Variants in ULK4 observed in about 807,000 individuals in gnomAD.
ULK4 encodes inactive serine/threonine-protein kinase ULK4.
In ULK4, 133 loss-of-function variants were observed where a neutral mutation model predicts 160.6. The ratio of observed to expected loss-of-function variants is 0.83; its 90% CI spans 0.72 to 0.96. The LOEUF is 0.96. Ranked by LOEUF, ULK4 falls within the 40% of genes least tolerant of loss-of-function variation. The probability of loss-of-function intolerance (pLI) is 0.00; values close to 1 mark genes in which losing one functional copy is unlikely to be tolerated. For synonymous variants in ULK4, 534 were observed against 539.8 expected, an observed-to-expected ratio of 0.99 and a Z score of 0.15; for missense variants, 1,580 against 1,499.5, an observed-to-expected ratio of 1.05 and a Z score of -0.89.
chr3:41,397,659 G>C (rs1384248356), intron 35 of ULK4, among the ~76,000 whole-genome samples: 1 of 152,034 alleles, frequency 6.6e-6, no homozygotes, highest in East Asian at 1.9e-4. Context: ...CATAATCCTA[G>C]ACTGTATCCT....
intron 27 of ULK4, among the ~76,000 whole-genome samples, chr3:41,685,469 T>G (rs1365808091): frequency 6.6e-6 from 1 of 152,198 alleles, no homozygotes; most frequent in Non-Finnish European, 1.5e-5. Context: ...TCTGTTGTTC[T>G]TCTATGCTCC....
chr3:41,681,873 T>G, intron 27 of ULK4, 69 bp from the exon 28 acceptor site: 1 of 1,553,004 alleles, frequency 6.4e-7, no homozygotes, highest in Non-Finnish European at 8.8e-7. Context: ...ACTATCTATA[T>G]TTTTTCCACA....
intron 20 of ULK4, among the ~76,000 whole-genome samples, chr3:41,794,688 ACAG>A (rs1273800786): frequency 0.084 from 9,296 of 110,852 alleles, 772 homozygotes; most frequent in Middle Eastern, 0.18. Context: ...AAAAAAAAAC[ACAG>A]AAAAAAAAAC....
intron 5 of ULK4, among the ~76,000 whole-genome samples, chr3:41,921,619 T>C (rs1484795106): frequency 1.3e-5 from 2 of 148,924 alleles, no homozygotes; most frequent in East Asian, 3.9e-4. Flanking sequence ...CGTCTCTAAA[T>C]AAATAAATAA....
At chr3:41,610,806 C>T (rs1239539317) in intron 31 of ULK4, among the ~76,000 whole-genome samples, 1 of 152,108 alleles carries the variant, frequency 6.6e-6, no homozygotes, top group East Asian at 1.9e-4. Context: ...ATCATGACAG[C>T]AATATTTTGG....
rs561020788 is a variant in ULK4 at position 41,654,990 on chromosome 3, A to G, written c.3071+8617T>C. On this transcript the variant is annotated intron_variant, in intron 30 of 36. Transcript: ENST00000301831. Reference sequence around the variant, plus strand: ...ACACAGGCAGCTTGAGAAGCATCAAATTATTTCTGAAGAAATCAGTTCATT... The same window carrying G: ...ACACAGGCAGCTTGAGAAGCATCAAGTTATTTCTGAAGAAATCAGTTCATT... Among the ~76,000 whole-genome samples the G allele has an allele frequency of 4.8e-4, 73 of 152,262 alleles. 1 individual carries two copies. Among genetic ancestry groups the G allele is most frequent in the African/African-American group, 1.7e-3 (72 of 41,550 alleles).
In ULK4 at chr3:41,931,986, G is replaced by A; in HGVS notation, c.399C>T (p.Gly133=). Residue 133 remains glycine (G), a synonymous_variant, in exon 5 of 37, where the codon GGC becomes GGT. Coordinates refer to ENST00000301831, the MANE Select transcript of ULK4 (RefSeq NM_017886.4). ...SPRKILLEGP[G]TLKFSNFCLA... Reference sequence around the variant, plus strand: ...AGCAAAAGTTGCTAAACTTCAGTGTGCCAGGCCCTTCCAAGAGTATCTATG... The same window carrying A: ...AGCAAAAGTTGCTAAACTTCAGTGTACCAGGCCCTTCCAAGAGTATCTATG... 1.2e-6 allele frequency: 2 copies of A among 1,613,874 alleles called. No homozygotes were observed. Among genetic ancestry groups the A allele is most frequent in the Non-Finnish European group, 1.7e-6 (2 of 1,179,920 alleles).
At chr3:41,274,494 A>G (rs764799624) in intron 35 of ULK4, among the ~76,000 whole-genome samples, 3 of 152,194 alleles carry the variant, frequency 2.0e-5, no homozygotes, top group Non-Finnish European at 2.9e-5. Context: ...TCACAGTGGT[A>G]ATGTTTTCTC....
chr3:41,531,738 A>T (rs78622917), intron 32 of ULK4, among the ~76,000 whole-genome samples: 5,587 of 152,302 alleles, frequency 0.037, 224 homozygotes, highest in African/African-American at 0.1. Context: ...GGAAAACCAG[A>T]GTCAAATAGA....
At chr3:41,301,358 C>T (rs2079792717) in intron 35 of ULK4, among the ~76,000 whole-genome samples, 1 of 152,066 alleles carries the variant, frequency 6.6e-6, no homozygotes, top group South Asian at 2.1e-4. Context: ...ACTATAACGA[C>T]AGAATAGAAT....
intron 32 of ULK4, among the ~76,000 whole-genome samples, chr3:41,497,422 T>C (rs377435508): frequency 6.6e-6 from 1 of 152,006 alleles, no homozygotes; most frequent in Non-Finnish European, 1.5e-5. Context: ...TATATCTATA[T>C]ACATAATAAT....
chr3:41,452,220 T>C (rs958918854), intron 34 of ULK4, among the ~76,000 whole-genome samples: 1 of 152,154 alleles, frequency 6.6e-6, no homozygotes, highest in Non-Finnish European at 1.5e-5. Context: ...GAAAGCTCCC[T>C]AGGCAGCACC....
intron 12 of ULK4, among the ~76,000 whole-genome samples, chr3:41,906,216 CA>C (rs58001920): frequency 0.17 from 11,526 of 66,404 alleles, 619 homozygotes; most frequent in Middle Eastern, 0.46. Flanking sequence ...GACTCCGTCT[CA>C]AAAAAAAAAA....
intron 34 of ULK4, among the ~76,000 whole-genome samples, chr3:41,451,838 A>G (rs999363077): frequency 6.6e-6 from 1 of 152,168 alleles, no homozygotes; most frequent in Non-Finnish European, 1.5e-5. Flanking sequence ...ATGTGATTCA[A>G]TGTAATATCA....
intron 32 of ULK4, among the ~76,000 whole-genome samples, chr3:41,497,658 G>A (rs150127624): frequency 1.6e-4 from 24 of 152,198 alleles, no homozygotes; most frequent in Non-Finnish European, 3.2e-4. Context: ...CCATATTGAT[G>A]ATATAAGGGT....
At chr3:41,911,716 A>T in intron 9 of ULK4, 57 bp from the exon 10 acceptor site, 1 of 1,297,198 alleles carries the variant, frequency 7.7e-7, no homozygotes, top group Non-Finnish European at 1.1e-6. Flanking sequence ...CTATAGTTTT[A>T]TGTTAGAGAA....
At chr3:41,693,385 T>C (rs1389093564) in intron 27 of ULK4, among the ~76,000 whole-genome samples, 11 of 152,172 alleles carry the variant, frequency 7.2e-5, no homozygotes, top group Non-Finnish European at 1.3e-4. Context: ...GGAAACTAAA[T>C]ATGAACAAGG....
intron 17 of ULK4, among the ~76,000 whole-genome samples, chr3:41,839,212 T>G (rs2041842562): frequency 6.6e-6 from 1 of 151,870 alleles, no homozygotes; most frequent in Non-Finnish European, 1.5e-5. Context: ...TGGTGGTGCA[T>G]GCCTGTAATC....
At chr3:41,762,569 T>C (rs2039019613) in intron 21 of ULK4, among the ~76,000 whole-genome samples, 1 of 151,638 alleles carries the variant, frequency 6.6e-6, no homozygotes, top group Non-Finnish European at 1.5e-5. Context: ...TCAGGAAACT[T>C]AGAGTCATGG....
Sources: gnomAD v4.1 joint callset for allele counts (sites outside exome capture counted in the v4.1 genomes callset) on GRCh38, gnomAD v4.1.1 for gene constraint, MANE v1.5 for transcripts, NCBI Gene and HGNC (gene_info 2026-07-23, HGNC 2026-07-21) for gene names.